The following NEDD4 variants were observed in gnomAD, a reference collection of about 807,000 sequenced individuals.
NEDD4 encodes the protein E3 ubiquitin-protein ligase NEDD4.
A neutral mutation model predicts 144.9 loss-of-function variants in NEDD4; 99 were observed. The ratio of observed to expected loss-of-function variants is 0.68; its 90% CI spans 0.58 to 0.81. NEDD4 has a LOEUF of 0.81. Ranked by LOEUF, NEDD4 falls within the 30% of genes least tolerant of loss-of-function variation. The pLI is 0.00. For synonymous variants in NEDD4, 318 were observed against 350.6 expected (o/e 0.91, Z 1.04); for missense variants, 985 against 1,065.9 (o/e 0.92, Z 1.06).
intron 2 of NEDD4, among the ~76,000 whole-genome samples, chr15:55,964,634 A>T (rs2037479434): frequency 6.8e-6 from 1 of 147,940 alleles, no homozygotes. Flanking sequence ...AGTTTTGGAG[A>T]CTGAATTTTG....
intron 2 of NEDD4, 21 bp from the exon 3 acceptor site, chr15:55,951,610 AAGAAAG>A: frequency 7.3e-7 from 1 of 1,376,384 alleles, no homozygotes; most frequent in Non-Finnish European, 9.7e-7. Context: ...AAAAAAAAAA[AAGAAAG>A]AAAAATTTTA....
At chr15:55,856,062 CT>C in intron 12 of NEDD4, 68 bp downstream of exon 12, 1 of 1,392,528 alleles carries the variant, frequency 7.2e-7, no homozygotes, top group Non-Finnish European at 1.0e-6. Context: ...CACACTCAAT[CT>C]TCCAAAAAAT....
At chr15:55,967,474 GTA>G (rs79445398) in intron 1 of NEDD4, among the ~76,000 whole-genome samples, 1,988 of 148,924 alleles carry the variant, frequency 0.013, 37 homozygotes, top group East Asian at 0.064. Context: ...GTGTGTGTGT[GTA>G]TGTGTGTGTA....
intron 4 of NEDD4, among the ~76,000 whole-genome samples, chr15:55,925,912 T>G (rs1268930008): frequency 1.3e-5 from 2 of 152,168 alleles, no homozygotes; most frequent in East Asian, 3.9e-4. Context: ...ATACTAATCT[T>G]AACTATATAG....
intron 4 of NEDD4, among the ~76,000 whole-genome samples, chr15:55,936,992 C>T (rs1315131025): frequency 6.6e-6 from 1 of 151,998 alleles, no homozygotes; most frequent in African/African-American, 2.4e-5. Flanking sequence ...GAGGTTTCAC[C>T]ATATTGGCCG....
At chr15:55,895,850 A>C (rs1595811079) in intron 5 of NEDD4, among the ~76,000 whole-genome samples, 1 of 152,228 alleles carries the variant, frequency 6.6e-6, no homozygotes, top group Non-Finnish European at 1.5e-5. Context: ...TGGTTAAACC[A>C]AGCTCAAAAG....
chr15:55,835,988 T>C (rs545980348), intron 24 of NEDD4, among the ~76,000 whole-genome samples: 18 of 152,126 alleles, frequency 1.2e-4, no homozygotes, highest in Admixed American at 3.3e-4. Flanking sequence ...GTCTGTTAGC[T>C]CCGCAGGCTG....
chr15:55,857,692 A>ATT (rs2034251048), intron 11 of NEDD4, among the ~76,000 whole-genome samples: 1 of 152,226 alleles, frequency 6.6e-6, no homozygotes. Context: ...CTTTAAAAAT[A>ATT]TTTTTTAAAA....
chr15:55,943,300 A>C (rs558018648), intron 4 of NEDD4, among the ~76,000 whole-genome samples: 7 of 152,358 alleles, frequency 4.6e-5, no homozygotes, highest in African/African-American at 1.4e-4. Flanking sequence ...GTTCATAGCC[A>C]AGACAATGGG....
intron 5 of NEDD4, among the ~76,000 whole-genome samples, chr15:55,899,430 A>G (rs1439389015): frequency 2.0e-5 from 3 of 152,338 alleles, no homozygotes; most frequent in African/African-American, 4.8e-5. Flanking sequence ...GAAAACTCAT[A>G]TGATTTTTAC....
chr15:55,866,579 G>C (rs1426789767), intron 8 of NEDD4, among the ~76,000 whole-genome samples: 2 of 151,994 alleles, frequency 1.3e-5, no homozygotes, highest in East Asian at 3.8e-4. Context: ...TAATAAAATA[G>C]TTCTCACTAC....
intron 5 of NEDD4, among the ~76,000 whole-genome samples, chr15:55,891,296 G>C (rs1195624348): frequency 6.6e-6 from 1 of 152,134 alleles, no homozygotes; most frequent in Non-Finnish European, 1.5e-5. Flanking sequence ...AATATGCATA[G>C]TCTCAGAAGA....
intron 5 of NEDD4, among the ~76,000 whole-genome samples, chr15:55,914,905 A>C (rs1439025684): frequency 6.6e-6 from 1 of 152,082 alleles, no homozygotes; most frequent in Non-Finnish European, 1.5e-5. Flanking sequence ...AATAGGAATA[A>C]AGTATTGAGC....
chr15:55,830,640 A>G (rs2032905743), intron 27 of NEDD4, 54 bp from the exon 28 acceptor site: 20 of 1,482,976 alleles, frequency 1.3e-5, no homozygotes, highest in South Asian at 3.4e-5. Context: ...ATCTCCAGGC[A>G]TATCAAAACT....
intron 24 of NEDD4, among the ~76,000 whole-genome samples, chr15:55,834,935 C>G (rs1332868518): frequency 2.0e-5 from 3 of 152,204 alleles, no homozygotes; most frequent in African/African-American, 7.2e-5. Flanking sequence ...GCAGTGCCGC[C>G]TCTTCTTTCA....
rs1287757370 is a variant in NEDD4 at position 55,924,620 on chromosome 15, T to C, written c.291+26A>G. ...CACTGAAATGTACCCTTACTTCATA[T>C]TTCATATAAGCACAATATAACTTAC... On this transcript the variant is annotated intron_variant, in intron 5 of 28. Coordinates refer to ENST00000435532, the MANE Select transcript of NEDD4 (RefSeq NM_006154.4). The C allele has an allele frequency of 3.1e-6, 5 of 1,590,648 alleles. No homozygotes were observed. In the African/African-American group the frequency reaches 4.0e-5, roughly 13 times the overall value.
rs2034359877 is a variant in NEDD4 at position 55,860,540 on chromosome 15, A to G, written c.827T>C (p.Met276Thr). ...WEIIREDEAT[M>T]YSNQAFPSPP... The stretch of plus-strand genomic sequence containing the variant: ...TGATGGGAAGGCCTGGTTGCTATAC[A>G]TGGTGGCTTCATCTTCTCTTATAAT... The change falls in exon 11 of 29, where the codon ATG becomes ACG. Residue 276 changes from methionine (M) to threonine (T), a missense_variant. Physicochemically the swap from Met to Thr is moderately conservative, Grantham distance 81. Coordinates refer to ENST00000435532, the MANE Select transcript of NEDD4 (RefSeq NM_006154.4). 6.2e-7 allele frequency: 1 copy of G among 1,614,100 alleles called. No individual in the cohort carries two copies. Among genetic ancestry groups the G allele is most frequent in the East Asian group, 2.2e-5 (1 of 44,878 alleles).
intron 1 of NEDD4, among the ~76,000 whole-genome samples, chr15:55,966,900 T>C (rs879582596): frequency 1.3e-5 from 2 of 152,186 alleles, no homozygotes; most frequent in Non-Finnish European, 2.9e-5. Context: ...CTTTTGGTTT[T>C]TTTTTGAGAC....
chr15:55,901,052 CT>C (rs1354731669), intron 5 of NEDD4, among the ~76,000 whole-genome samples: 19 of 151,998 alleles, frequency 1.3e-4, no homozygotes, highest in African/African-American at 2.7e-4. Context: ...TGGTATCTAA[CT>C]TTTTTTAATT....
Sources: allele counts gnomAD v4.1 joint callset (sites outside exome capture counted in the v4.1 genomes callset), GRCh38; gene constraint gnomAD v4.1.1; transcripts MANE v1.5; gene names NCBI Gene and HGNC (gene_info 2026-07-23, HGNC 2026-07-21).